DPF3: variants seen among roughly 807,000 people sequenced by gnomAD.
DPF3 encodes double PHD fingers 3, also known as zinc finger protein DPF3.
A neutral mutation model predicts 56.8 loss-of-function variants in DPF3; 18 were observed. The ratio of observed to expected loss-of-function variants is 0.32; its 90% CI spans 0.22 to 0.47. DPF3 has a LOEUF of 0.47. Among genes scored for constraint, DPF3 ranks in the 20% least tolerant of loss-of-function variants. The pLI is 1.00. For missense variants in DPF3, 403 were observed against 488.8 expected, an observed-to-expected ratio of 0.82 and a Z score of 1.65; for synonymous variants, 188 against 180.2, an observed-to-expected ratio of 1.04 and a Z score of -0.35.
rs573798634 is a variant in DPF3 at position 72,836,007 on chromosome 14, G to A, written c.32+58050C>T. The A allele has an allele frequency of 2.8e-5, 27 of 979,508 alleles. 1 individual carries two copies. In the South Asian group the frequency reaches 7.6e-4, roughly 27 times the overall value. The allele number at this position is 979,508 out of a possible 1,614,324, so 60.7% of individuals were successfully genotyped here. Reference sequence around the variant, plus strand: ...CGGAGACCACATTCCCAGACATCCCGAGGGCCAGCCGTCACCACACGGGTG... The same window carrying A: ...CGGAGACCACATTCCCAGACATCCCAAGGGCCAGCCGTCACCACACGGGTG... On this transcript the variant is annotated intron_variant, in intron 1 of 10. Transcript: ENST00000556509.
At chr14:72,765,177 C>T (rs973164459) in intron 2 of DPF3, among the ~76,000 whole-genome samples, 1 of 152,158 alleles carries the variant, frequency 6.6e-6, no homozygotes, top group Non-Finnish European at 1.5e-5. Flanking sequence ...TAGGGGAATG[C>T]AAGTTGAAAC....
rs771338483 is a variant in DPF3, at chr14:72,760,276, G to A, written c.194-6905C>T. On this transcript the variant is annotated intron_variant, in intron 2 of 10. Coordinates refer to ENST00000556509, the MANE Select transcript of DPF3 (RefSeq NM_001280542.3). Reference sequence around the variant, plus strand: ...ACCTGAGGTCGGGAGTTCGAGAACCGCCTGACCGACATGGAGAAACCCCAT... The same window carrying A: ...ACCTGAGGTCGGGAGTTCGAGAACCACCTGACCGACATGGAGAAACCCCAT... Among the ~76,000 whole-genome samples, 66 of 152,154 alleles carry A rather than the reference G, an allele frequency of 4.3e-4. 1 individual carries two copies. Among genetic ancestry groups the A allele is most frequent in the Non-Finnish European group, 3.2e-4 (22 of 68,040 alleles).
At chr14:72,704,524 A>G (rs57440550) in intron 6 of DPF3, among the ~76,000 whole-genome samples, 7,724 of 151,828 alleles carry the variant, frequency 0.051, 678 homozygotes, top group African/African-American at 0.18. Flanking sequence ...GTGATTCCCC[A>G]CCCCCTGCCT....
chr14:72,748,611 C>G lies in DPF3; in HGVS notation c.301+4653G>C, dbSNP rs117311983. On this transcript the variant is annotated intron_variant, in intron 3 of 10. Coordinates refer to ENST00000556509, the MANE Select transcript of DPF3 (RefSeq NM_001280542.3). The stretch of plus-strand genomic sequence containing the variant: ...CATGTCAAGGGTCTTCACGGCAGCC[C>G]CTCCCATCACAGGCCTGGAGGTTTA... Among the ~76,000 whole-genome samples the G allele has an allele frequency of 2.6e-3, 401 of 152,274 alleles. 22 individuals carry two copies. The East Asian group carries it at 0.072, about 27-fold the overall frequency.
intron 3 of DPF3, among the ~76,000 whole-genome samples, chr14:72,749,302 T>C (rs1480500937): frequency 6.6e-6 from 1 of 152,250 alleles, no homozygotes; most frequent in Non-Finnish European, 1.5e-5. Context: ...ATGGGGCCTG[T>C]AGCCCCTTTG....
chr14:72,674,214 C>G (rs1471804108), intron 8 of DPF3, 26 bp downstream of exon 8: 1 of 1,605,154 alleles, frequency 6.2e-7, no homozygotes, highest in East Asian at 2.2e-5. Flanking sequence ...CTACGGGCAC[C>G]CGGTGTGGGA....
chr14:72,772,362 T>C (rs1891570859), intron 1 of DPF3, among the ~76,000 whole-genome samples: 3 of 152,078 alleles, frequency 2.0e-5, no homozygotes, highest in African/African-American at 7.2e-5. Flanking sequence ...AGATACTCAG[T>C]TTTCCATTAC....
At chr14:72,745,097 G>T (rs1184766266) in intron 3 of DPF3, among the ~76,000 whole-genome samples, 1 of 150,456 alleles carries the variant, frequency 6.6e-6, no homozygotes, top group African/African-American at 2.4e-5. Flanking sequence ...GGGGGTGGGT[G>T]TGGAGGGGCA....
rs1491369142 is a variant in DPF3 at position 72,838,909 on chromosome 14, T to TATATATATATATATATATATATA, written c.32+55147_32+55148insTATATATATATATATATATATAT. Among the ~76,000 whole-genome samples, 35 of 7,634 alleles carry TATATATATATATATATATATATA rather than the reference T, an allele frequency of 4.6e-3. 1 individual carries two copies. Among genetic ancestry groups the TATATATATATATATATATATATA allele is most frequent in the African/African-American group, 6.2e-3 (13 of 2,112 alleles). The allele number at this position is 7,634 out of a possible 152,430, so 5.0% of individuals were successfully genotyped here. A position where few individuals can be genotyped will look rare whatever the true frequency, so the allele number is the denominator to read the frequency against. ...ATCATATATATTATCATATATATTCTTTTTTTTTTTTTTTTTTTTTTTTTT... is the reference window on the plus strand; with the variant it reads ...ATCATATATATTATCATATATATTCTATATATATATATATATATATATATTTTTTTTTTTTTTTTTTTTTTTTT... On this transcript the variant is annotated intron_variant, in intron 1 of 10. Coordinates refer to ENST00000556509, the MANE Select transcript of DPF3 (RefSeq NM_001280542.3).
chr14:72,748,679 G>C (rs1402201432), intron 3 of DPF3, among the ~76,000 whole-genome samples: 1 of 152,168 alleles, frequency 6.6e-6, no homozygotes, highest in Non-Finnish European at 1.5e-5. Flanking sequence ...GGGTCCTTCT[G>C]TTATGTGCAG....
intron 6 of DPF3, among the ~76,000 whole-genome samples, chr14:72,711,483 TG>T (rs1390204854): frequency 4.6e-5 from 7 of 151,848 alleles, no homozygotes; most frequent in African/African-American, 1.5e-4. Context: ...ACTAGTAAGC[TG>T]TTGAGAGGGT....
At position 72,771,813 on chromosome 14, in the gene DPF3, C is replaced by T. The variant is rs1478070603; in HGVS notation, c.113G>A (p.Arg38His). 1.2e-6 allele frequency: 2 copies of T among 1,613,686 alleles called. No homozygotes were observed. Among genetic ancestry groups the T allele is most frequent in the African/African-American group, 1.3e-5 (1 of 74,902 alleles). Reference sequence around the variant, plus strand: ...AGTCTGTGAGTCCAGGAAGGGAAGACGCACGCTGCGCTCTGCACACAGCCG... The same window carrying T: ...AGTCTGTGAGTCCAGGAAGGGAAGATGCACGCTGCGCTCTGCACACAGCCG... ...NSRLCAERSV[R>H]LPFLDSQTGV... Residue 38 changes from arginine to histidine, a missense_variant, in exon 2 of 11, where the codon CGT becomes CAT. Physicochemically the swap from Arg to His is conservative, Grantham distance 29 (BLOSUM62 0). Transcript: ENST00000556509.
Position 72,879,860 on chromosome 14 carries a change from C to A in DPF3, c.32+14197G>T, listed in dbSNP as rs1231828254. On this transcript the variant is annotated intron_variant, in intron 1 of 10. Coordinates refer to ENST00000556509, the MANE Select transcript of DPF3 (RefSeq NM_001280542.3). The stretch of plus-strand genomic sequence containing the variant: ...AGATGGGCTCTTCCAGGTCTGTGAA[C>A]CCCATAAAACCATAGGCAGATGTTC... The A allele has an allele frequency of 3.3e-6, 5 of 1,535,434 alleles. No homozygotes were observed. The South Asian group carries it at 5.9e-5, about 18-fold the overall frequency.
At chr14:72,803,458 A>C (rs1245247492) in intron 1 of DPF3, among the ~76,000 whole-genome samples, 1 of 152,244 alleles carries the variant, frequency 6.6e-6, no homozygotes, top group Non-Finnish European at 1.5e-5. Context: ...AAATCTCACT[A>C]CAAAAAAAGA....
intron 1 of DPF3, among the ~76,000 whole-genome samples, chr14:72,803,262 C>T (rs571804848): frequency 6.6e-6 from 1 of 152,238 alleles, no homozygotes; most frequent in Non-Finnish European, 1.5e-5. Flanking sequence ...GTGTGAAGAC[C>T]GTGGCTTCCA....
chr14:72,856,757 A>C (rs10137463), intron 1 of DPF3, among the ~76,000 whole-genome samples: 7,117 of 152,280 alleles, frequency 0.047, 507 homozygotes, highest in African/African-American at 0.15. Context: ...TGCGTGAAGC[A>C]CAGGAGGACA....
At chr14:72,812,965 C>A (rs1041707787) in intron 1 of DPF3, among the ~76,000 whole-genome samples, 5 of 152,142 alleles carry the variant, frequency 3.3e-5, no homozygotes, top group Non-Finnish European at 5.9e-5. Context: ...TGGGAACTTG[C>A]AGGCAGGGTC....
rs59855191 is a variant in DPF3, at chr14:72,863,118, A to ATG, written c.32+30937_32+30938dup. Among the ~76,000 whole-genome samples, 92 of 116,264 alleles carry ATG rather than the reference A, an allele frequency of 7.9e-4. 1 individual carries two copies. The highest frequency in any genetic ancestry group is 4.3e-3 in the Middle Eastern group (1 of 234). The allele number at this position is 116,264 out of a possible 152,430, so 76.3% of individuals were successfully genotyped here. ...TATATATATGTGTGTGTATACATAT[A>ATG]TGTGTGTGTGTGTGTGTGTATATAT... On this transcript the variant is annotated intron_variant, in intron 1 of 10. Transcript: ENST00000556509.
chr14:72,665,226 C>A (rs1886394918), intron 8 of DPF3, among the ~76,000 whole-genome samples: 1 of 152,196 alleles, frequency 6.6e-6, no homozygotes, highest in African/African-American at 2.4e-5. Flanking sequence ...AATTTCTAGT[C>A]TGATCCACTA....
Sources: allele counts gnomAD v4.1 joint callset (sites outside exome capture counted in the v4.1 genomes callset), GRCh38; gene constraint gnomAD v4.1.1; transcripts MANE v1.5; gene names NCBI Gene and HGNC (gene_info 2026-07-23, HGNC 2026-07-21).